The following KAZN variants were observed in gnomAD, a reference collection of about 807,000 sequenced individuals.
The protein encoded by KAZN is kazrin.
Under a neutral mutation model 87.4 loss-of-function variants are expected in KAZN, and 40 were observed. The ratio of observed to expected loss-of-function variants is 0.46; its 90% CI spans 0.36 to 0.60. The LOEUF (loss-of-function observed/expected upper bound fraction) is 0.60, where lower values mean the gene tolerates loss of function less well. KAZN is among the 20% of genes least tolerant of loss of function. The pLI is 0.00. For synonymous variants in KAZN, 466 were observed against 458.3 expected (o/e 1.02, Z -0.22); for missense variants, 898 against 1,073.9 (o/e 0.84, Z 2.29).
chr1:14,757,019 T>C (rs742467), intron 1 of KAZN, among the ~76,000 whole-genome samples: 84,919 of 152,068 alleles, frequency 0.56, 24,683 homozygotes, highest in African/African-American at 0.68. Context: ...GAGAAATTGT[T>C]GCACATTGTC....
intron 1 of KAZN, among the ~76,000 whole-genome samples, chr1:13,994,488 T>G (rs6701677): frequency 3.3e-5 from 5 of 152,316 alleles, no homozygotes; most frequent in African/African-American, 1.2e-4. Flanking sequence ...TAAAATGAGT[T>G]GCTGAAGTTT....
intron 2 of KAZN, among the ~76,000 whole-genome samples, chr1:14,540,819 C>A (rs943179243): frequency 4.6e-5 from 7 of 152,204 alleles, no homozygotes; most frequent in African/African-American, 1.2e-4. Context: ...ACCTTGTCCT[C>A]TACATGTTAG....
At chr1:14,401,178 G>A (rs1314841275) in intron 2 of KAZN, among the ~76,000 whole-genome samples, 1 of 152,136 alleles carries the variant, frequency 6.6e-6, no homozygotes, top group Non-Finnish European at 1.5e-5. Flanking sequence ...TAAATTCCCA[G>A]ACACCTGAGA....
intron 1 of KAZN, among the ~76,000 whole-genome samples, chr1:14,079,644 C>A (rs1334114665): frequency 1.3e-5 from 2 of 152,206 alleles, no homozygotes; most frequent in Non-Finnish European, 2.9e-5. Flanking sequence ...AGTCGATATA[C>A]TCACAGCAAT....
chr1:14,484,993 C>T (rs1025968002), intron 2 of KAZN, among the ~76,000 whole-genome samples: 3 of 152,194 alleles, frequency 2.0e-5, no homozygotes, highest in African/African-American at 7.2e-5. Context: ...CCCACACCAC[C>T]ACATACAATG....
At chr1:14,197,677 G>A (rs902920846) in intron 2 of KAZN, among the ~76,000 whole-genome samples, 4 of 152,148 alleles carry the variant, frequency 2.6e-5, no homozygotes, top group African/African-American at 9.7e-5. Flanking sequence ...GACACAGCAA[G>A]ACTCCATCTC....
At chr1:14,489,468 G>A (rs1326834411) in intron 2 of KAZN, among the ~76,000 whole-genome samples, 1 of 152,060 alleles carries the variant, frequency 6.6e-6, no homozygotes, top group African/African-American at 2.4e-5. Flanking sequence ...AGCGGCTCAT[G>A]CCTGTAATCC....
At chr1:14,170,186 C>T (rs1339373) in intron 1 of KAZN, among the ~76,000 whole-genome samples, 18,715 of 152,184 alleles carry the variant, frequency 0.12, 1,278 homozygotes, top group East Asian at 0.33. Flanking sequence ...TCAGGCACCA[C>T]GTGGCTGGGA....
chr1:14,453,027 C>A (rs1017099593), intron 2 of KAZN, among the ~76,000 whole-genome samples: 7 of 152,186 alleles, frequency 4.6e-5, no homozygotes, highest in Non-Finnish European at 8.8e-5. Flanking sequence ...GCAATCTCGG[C>A]TCACTGCAAG....
intron 1 of KAZN, among the ~76,000 whole-genome samples, chr1:14,795,422 G>C (rs1645800864): frequency 6.6e-6 from 1 of 152,162 alleles, no homozygotes; most frequent in Non-Finnish European, 1.5e-5. Flanking sequence ...GTAGGTACTT[G>C]TCGATATGGA....
intron 1 of KAZN, among the ~76,000 whole-genome samples, chr1:14,800,324 A>G (rs1313565786): frequency 1.3e-5 from 2 of 152,230 alleles, no homozygotes; most frequent in Non-Finnish European, 2.9e-5. Flanking sequence ...GAAAGGTGCA[A>G]ATAACCCAAA....
chr1:15,030,782 C>T (rs1394768504), intron 2 of KAZN, among the ~76,000 whole-genome samples: 1 of 152,238 alleles, frequency 6.6e-6, no homozygotes, highest in African/African-American at 2.4e-5. Context: ...GCCCAGCAGG[C>T]CTGGAATTCC....
At chr1:15,048,797 G>A (rs1043382783) in intron 4 of KAZN, among the ~76,000 whole-genome samples, 30 of 147,296 alleles carry the variant, frequency 2.0e-4, no homozygotes, top group Non-Finnish European at 1.5e-4. Flanking sequence ...TTGGTCATTG[G>A]TCCTGAGTCG....
intron 2 of KAZN, among the ~76,000 whole-genome samples, chr1:14,191,413 C>T (rs1646417395): frequency 6.6e-6 from 1 of 152,008 alleles, no homozygotes; most frequent in South Asian, 2.1e-4. Flanking sequence ...TTTAGTAACA[C>T]CTCATAAAGG....
chr1:14,593,445 G>A (rs1304431562), intron 2 of KAZN, among the ~76,000 whole-genome samples: 1 of 152,116 alleles, frequency 6.6e-6, no homozygotes, highest in Non-Finnish European at 1.5e-5. Context: ...AGTAGTTTTA[G>A]CCAGGGCATT....
At chr1:14,188,361 T>A (rs1330885846) in intron 2 of KAZN, among the ~76,000 whole-genome samples, 1 of 152,116 alleles carries the variant, frequency 6.6e-6, no homozygotes, top group Non-Finnish European at 1.5e-5. Flanking sequence ...ATATACAAAT[T>A]ATTTTTTCAG....
At chr1:14,251,668 T>TG (rs869253204) in intron 2 of KAZN, among the ~76,000 whole-genome samples, 2 of 129,714 alleles carry the variant, frequency 1.5e-5, no homozygotes, top group Non-Finnish European at 3.4e-5. Context: ...TTTTTTTTTT[T>TG]GACACAGGGT....
intron 8 of KAZN, among the ~76,000 whole-genome samples, chr1:15,085,036 C>A (rs760797438): frequency 2.6e-5 from 4 of 151,590 alleles, no homozygotes; most frequent in East Asian, 1.9e-4. Context: ...ACAGATAAAA[C>A]GTTTTAGAAA....
At chr1:14,196,270 C>G (rs1646523782) in intron 2 of KAZN, among the ~76,000 whole-genome samples, 1 of 151,926 alleles carries the variant, frequency 6.6e-6, no homozygotes, top group Admixed American at 6.6e-5. Context: ...AAAGGGGGAG[C>G]CTATGGGGGA....
Sources: gnomAD v4.1 joint callset for allele counts (sites outside exome capture counted in the v4.1 genomes callset) on GRCh38, gnomAD v4.1.1 for gene constraint, MANE v1.5 for transcripts, NCBI Gene and HGNC (gene_info 2026-07-23, HGNC 2026-07-21) for gene names.